The following PTAR1 variants were observed in gnomAD, a reference collection of about 807,000 sequenced individuals.
PTAR1 encodes protein prenyltransferase alpha subunit repeat containing 1.
A neutral mutation model predicts 45.5 loss-of-function variants in PTAR1; 17 were observed. The ratio of observed to expected loss-of-function variants is 0.37; its 90% CI spans 0.26 to 0.56. The LOEUF is 0.56. PTAR1 is among the 20% of genes least tolerant of loss of function. The probability of loss-of-function intolerance (pLI) is 0.77; values close to 1 mark genes in which losing one functional copy is unlikely to be tolerated. For synonymous variants in PTAR1, 169 were observed against 171.3 expected (o/e 0.99, Z 0.11); for missense variants, 391 against 476.3 (o/e 0.82, Z 1.67).
chr9:69,726,805 A>C (rs1380542519), intron 5 of PTAR1, among the ~76,000 whole-genome samples: 1 of 151,802 alleles, frequency 6.6e-6, no homozygotes, highest in Non-Finnish European at 1.5e-5. Context: ...TGTGATAGTC[A>C]TTATTTTTCT....
intron 2 of PTAR1, among the ~76,000 whole-genome samples, chr9:69,744,385 C>CTTTTTT (rs68024709): frequency 6.8e-6 from 1 of 146,042 alleles, no homozygotes; most frequent in Non-Finnish European, 1.5e-5. Flanking sequence ...TTCATCTCTG[C>CTTTTTT]TTTTTTTTTT....
At position 69,711,452 on chromosome 9, in the gene PTAR1, A is replaced by G. The variant is rs1326159952; in HGVS notation, c.*6890T>C. On this transcript the variant is annotated 3_prime_UTR_variant, in exon 8 of 8. Coordinates refer to ENST00000340434, the MANE Select transcript of PTAR1 (RefSeq NM_001099666.2). ...TAACAGATGCTGAGACTACTGTATCATTCACAAAAAGTTCTTCCTCATGCC... is the reference window on the plus strand; with the variant it reads ...TAACAGATGCTGAGACTACTGTATCGTTCACAAAAAGTTCTTCCTCATGCC... The G allele has an allele frequency of 6.6e-6, 1 of 152,240 alleles. No individual in the cohort carries two copies. The highest frequency in any genetic ancestry group is 1.5e-5 in the Non-Finnish European group (1 of 68,036). The allele number at this position is 152,240 out of a possible 1,614,324, so 9.4% of individuals were successfully genotyped here.
At chr9:69,739,523 G>C (rs1253907737) in intron 3 of PTAR1, among the ~76,000 whole-genome samples, 1 of 151,600 alleles carries the variant, frequency 6.6e-6, no homozygotes, top group Non-Finnish European at 1.5e-5. Context: ...TTTCCCCTAA[G>C]ACTGCAATAC....
In PTAR1 at chr9:69,750,874, C is replaced by A; in HGVS notation, c.163G>T (p.Gly55Cys). 1 of 1,610,286 alleles carries A rather than the reference C, an allele frequency of 6.2e-7. No homozygotes were observed. The highest frequency in any genetic ancestry group is 8.5e-7 in the Non-Finnish European group (1 of 1,177,970). The change falls in exon 2 of 8, where the codon GGT becomes TGT. Residue 55 changes from glycine to cysteine, a missense_variant. This residue lies in a region of PTAR1 where 152 missense variants were observed against 160.0 expected (regional missense o/e 0.95). Coordinates refer to ENST00000340434, the MANE Select transcript of PTAR1 (RefSeq NM_001099666.2). ...AACTTGACACACCAGCTCTCCACAC[C>A]CAGTTTGTTTTCAACCAGGACTATG... Reference protein sequence around the residue: ...SPIVLVENKLGVESWCVKFLL... With the variant: ...SPIVLVENKLCVESWCVKFLL...
chr9:69,723,932 A>G (rs1306762112), intron 5 of PTAR1, among the ~76,000 whole-genome samples: 1 of 152,244 alleles, frequency 6.6e-6, no homozygotes, highest in African/African-American at 2.4e-5. Context: ...AGAGAAGGAA[A>G]ATAAAATTCT....
rs1257837047 is a variant in PTAR1, at chr9:69,715,460, TAA to T, written c.*2880_*2881del. On this transcript the variant is annotated 3_prime_UTR_variant, in exon 8 of 8. Coordinates refer to ENST00000340434, the MANE Select transcript of PTAR1 (RefSeq NM_001099666.2). ...CACCGTACTGCCAAAATAGGTACAC[TAA>T]AGTACACTAAGGTACACTAAAGGCG... The T allele has an allele frequency of 6.6e-6, 1 of 152,114 alleles. No individual in the cohort carries two copies. Among genetic ancestry groups the T allele is most frequent in the East Asian group, 1.9e-4 (1 of 5,192 alleles). The allele number at this position is 152,114 out of a possible 1,614,324, so 9.4% of individuals were successfully genotyped here. A position where few individuals can be genotyped will look rare whatever the true frequency, so the allele number is the denominator to read the frequency against.
At chr9:69,759,779 G>A (rs1009532807) in intron 1 of PTAR1, 74 bp downstream of exon 1, 23 of 1,412,148 alleles carry the variant, frequency 1.6e-5, no homozygotes, top group Middle Eastern at 1.9e-4. Context: ...CGCCGCCCGA[G>A]GTCGGGTGGA....
chr9:69,756,712 T>G (rs767246590), intron 1 of PTAR1, among the ~76,000 whole-genome samples: 5 of 152,098 alleles, frequency 3.3e-5, no homozygotes, highest in Non-Finnish European at 7.4e-5. Flanking sequence ...AGCACCCCTA[T>G]CCGAGACATA....
At chr9:69,722,633 T>C (rs1203476683) in intron 6 of PTAR1, among the ~76,000 whole-genome samples, 2 of 151,196 alleles carry the variant, frequency 1.3e-5, no homozygotes, top group Non-Finnish European at 2.9e-5. Flanking sequence ...GTTGAGCTTT[T>C]TCTAGGGGGG....
At chr9:69,727,372 C>A (rs1021833955) in intron 5 of PTAR1, among the ~76,000 whole-genome samples, 1 of 152,102 alleles carries the variant, frequency 6.6e-6, no homozygotes, top group African/African-American at 2.4e-5. Context: ...ATGAGTTCAA[C>A]TTGTTTAGAG....
In PTAR1 at chr9:69,710,606, C is replaced by T. The variant is rs982122620; in HGVS notation, c.*7736G>A. On this transcript the variant is annotated 3_prime_UTR_variant, in exon 8 of 8. Coordinates refer to ENST00000340434, the MANE Select transcript of PTAR1 (RefSeq NM_001099666.2). ...CATTCTTATCTCTCTGAAAGATATGCATTTTAAGGGTAAAAAGAATTCACA... is the reference window on the plus strand; with the variant it reads ...CATTCTTATCTCTCTGAAAGATATGTATTTTAAGGGTAAAAAGAATTCACA... The T allele has an allele frequency of 1.3e-5, 2 of 152,046 alleles. No homozygotes were observed. The highest frequency in any genetic ancestry group is 1.9e-4 in the East Asian group (1 of 5,196). The allele number at this position is 152,046 out of a possible 1,614,324, so 9.4% of individuals were successfully genotyped here.
intron 3 of PTAR1, among the ~76,000 whole-genome samples, chr9:69,736,509 A>T (rs896033689): frequency 6.6e-6 from 1 of 152,202 alleles, no homozygotes; most frequent in Admixed American, 6.5e-5. Context: ...GTGAGCCAAG[A>T]TCGCGCCACT....
intron 6 of PTAR1, among the ~76,000 whole-genome samples, chr9:69,722,775 C>A (rs11139992): frequency 6.6e-6 from 1 of 151,292 alleles, no homozygotes; most frequent in South Asian, 2.1e-4. Flanking sequence ...TCCGTCTCTA[C>A]TAAAAACACA....
chr9:69,740,211 GTA>G (rs1301442018), intron 3 of PTAR1, among the ~76,000 whole-genome samples: 1 of 152,086 alleles, frequency 6.6e-6, no homozygotes, highest in East Asian at 1.9e-4. Flanking sequence ...GTGTGTGTGT[GTA>G]TGTATGTATG....
At chr9:69,759,764 C>T (rs890613332) in intron 1 of PTAR1, 89 bp downstream of exon 1, 2 of 1,340,206 alleles carry the variant, frequency 1.5e-6, no homozygotes, top group East Asian at 6.2e-5. Flanking sequence ...GACCCGCTGT[C>T]CGCCCGCCGC....
At chr9:69,759,711 C>G in intron 1 of PTAR1, 142 bp downstream of exon 1, 1 of 780,162 alleles carries the variant, frequency 1.3e-6, no homozygotes, top group Non-Finnish European at 1.9e-6. Context: ...ACGGTCCCGC[C>G]CGACACGGCT....
intron 2 of PTAR1, among the ~76,000 whole-genome samples, chr9:69,743,056 A>T (rs187320350): frequency 6.6e-5 from 10 of 152,282 alleles, no homozygotes; most frequent in Admixed American, 5.9e-4. Context: ...CTCTTATTAA[A>T]TGTCATGTAA....
At chr9:69,741,889 A>C in intron 2 of PTAR1, 31 bp from the exon 3 acceptor site, 4 of 1,359,594 alleles carry the variant, frequency 2.9e-6, no homozygotes, top group Non-Finnish European at 4.1e-6. Flanking sequence ...ATTAAAAACA[A>C]ATAGTCCTAC....
At chr9:69,759,505 G>T (rs1308454841) in intron 1 of PTAR1, among the ~76,000 whole-genome samples, 1 of 152,176 alleles carries the variant, frequency 6.6e-6, no homozygotes, top group East Asian at 1.9e-4. Flanking sequence ...GACCCACATC[G>T]TTGTGTGCGC....
Sources: gnomAD v4.1 joint callset for allele counts (sites outside exome capture counted in the v4.1 genomes callset) on GRCh38, gnomAD v4.1.1 for gene constraint, gnomAD v4.1.1 regional missense constraint, MANE v1.5 for transcripts, NCBI Gene and HGNC (gene_info 2026-07-23, HGNC 2026-07-21) for gene names.